Variants in DCLRE1C observed in about 807,000 individuals in gnomAD.
DCLRE1C encodes protein artemis.
Under a neutral mutation model 61.4 loss-of-function variants are expected in DCLRE1C, and 47 were observed. That is an observed-to-expected ratio of 0.77 (90% CI 0.61 to 0.98). The LOEUF is 0.98. DCLRE1C is among the 50% of genes least tolerant of loss of function. The pLI is 0.00. For missense variants in DCLRE1C, 858 were observed against 816.0 expected (o/e 1.05, Z -0.63); for synonymous variants, 337 against 287.6 (o/e 1.17, Z -1.74).
At chr10:14,901,405 A>G (rs1295395849), downstream of DCLRE1C, 6 of 1,082,984 alleles carry the variant, frequency 5.5e-6, no homozygotes, top group Admixed American at 4.9e-5. Flanking sequence ...CCTAAGGTAC[A>G]AAGCTAATCC....
chr10:14,914,152 G>GA (rs920936761), intron 13 of DCLRE1C, among the ~76,000 whole-genome samples: 1 of 152,092 alleles, frequency 6.6e-6, no homozygotes, highest in African/African-American at 2.4e-5. Context: ...CTGCTTACAA[G>GA]AAACCCACTT....
chr10:14,909,560 T>C (rs1834898047), intron 13 of DCLRE1C, among the ~76,000 whole-genome samples: 1 of 151,592 alleles, frequency 6.6e-6, no homozygotes, highest in Non-Finnish European at 1.5e-5. Flanking sequence ...CTGCTCTATA[T>C]GTAAGCCTGG....
In DCLRE1C at chr10:14,909,300, G is replaced by A. The variant is rs1258065713; in HGVS notation, c.1187C>T (p.Pro396Leu). 1 of 1,613,790 alleles carries A rather than the reference G, an allele frequency of 6.2e-7. No individual in the cohort carries two copies. Among genetic ancestry groups the A allele is most frequent in the African/African-American group, 1.3e-5 (1 of 75,042 alleles). The change falls in exon 14 of 14, where the codon CCT becomes CTT. Residue 396 changes from proline (P) to leucine (L), a missense_variant. Physicochemically the swap from Pro to Leu is moderately conservative, Grantham distance 98. Around this residue, in one of 2 missense-constraint regions of DCLRE1C, gnomAD observed 843 missense variants for 783.5 expected, o/e 1.08. Transcript: ENST00000378278. ...TTTGTGCCTTAAAGGTATTGGCAGAGGATCATCAAAGAGATAGTCATCTTC... is the reference window on the plus strand; with the variant it reads ...TTTGTGCCTTAAAGGTATTGGCAGAAGATCATCAAAGAGATAGTCATCTTC... ...EEEDDYLFDD[P>L]LPIPLRHKVP...
chr10:14,918,579 C>T (rs1354081794), intron 13 of DCLRE1C, among the ~76,000 whole-genome samples: 1 of 149,598 alleles, frequency 6.7e-6, no homozygotes, highest in Admixed American at 6.7e-5. Flanking sequence ...TCAAATTGTA[C>T]ACCTTACATG....
chr10:14,951,166 C>T (rs1039952543), intron 1 of DCLRE1C, among the ~76,000 whole-genome samples: 2 of 151,950 alleles, frequency 1.3e-5, no homozygotes, highest in African/African-American at 4.8e-5. Flanking sequence ...ATCACCTGCA[C>T]CCAGGAGTTC....
At chr10:14,916,619 A>G (rs1299522189) in intron 13 of DCLRE1C, among the ~76,000 whole-genome samples, 9 of 152,370 alleles carry the variant, frequency 5.9e-5, no homozygotes, top group African/African-American at 2.2e-4. Context: ...CTATATTTCT[A>G]TATACTAACA....
At position 14,935,555 on chromosome 10, in the gene DCLRE1C, A is replaced by T; in HGVS notation, c.372T>A (p.Phe124Leu). Reference protein sequence around the residue: ...GHCPGSVMFLFQGNNGTVLYT... With the variant: ...GHCPGSVMFLLQGNNGTVLYT... The stretch of plus-strand genomic sequence containing the variant: ...ACAGGACAGTTCCATTATTGCCCTG[A>T]AATAAAAACCTGAAAAAGAAATATA... The change falls in exon 6 of 14, where the codon TTT (phenylalanine) becomes TTA (leucine). Residue 124 changes from phenylalanine (F) to leucine (L), a missense_variant. By Grantham distance (22) the Phe-to-Leu change is conservative. Coordinates refer to ENST00000378278, the MANE Select transcript of DCLRE1C (RefSeq NM_001033855.3). The T allele has an allele frequency of 6.2e-7, 1 of 1,614,086 alleles. No individual in the cohort carries two copies. Among genetic ancestry groups the T allele is most frequent in the Non-Finnish European group, 8.5e-7 (1 of 1,179,954 alleles).
chr10:14,948,689 G>A (rs1378621186), intron 2 of DCLRE1C, among the ~76,000 whole-genome samples: 3 of 151,886 alleles, frequency 2.0e-5, no homozygotes, highest in Non-Finnish European at 4.4e-5. Context: ...CAGCCTGGGC[G>A]ACATAGCAAA....
rs565176378 is a variant in DCLRE1C, at chr10:14,927,049, T to A, written c.918-152A>T. On this transcript the variant is annotated intron_variant, in intron 10 of 13. Transcript: ENST00000378278. ...TGTCGAAATCACCCTAAATCAGGAA[T>A]TTCTTCTTGGGATAGCAGGGAACCT... 3 of 697,600 alleles carry A rather than the reference T, an allele frequency of 4.3e-6. No individual in the cohort carries two copies. The East Asian group carries it at 8.4e-5, about 20-fold the overall frequency. 43.2% of individuals were successfully genotyped at this position (697,600 alleles called of 1,614,324 possible).
At chr10:14,949,424 C>G (rs750708990) in intron 1 of DCLRE1C, among the ~76,000 whole-genome samples, 1 of 152,206 alleles carries the variant, frequency 6.6e-6, no homozygotes, top group Non-Finnish European at 1.5e-5. Context: ...AACCATCCTT[C>G]GAGCCAAGCT....
At chr10:14,953,268 C>T (rs1842724782) in intron 1 of DCLRE1C, among the ~76,000 whole-genome samples, 1 of 152,226 alleles carries the variant, frequency 6.6e-6, no homozygotes, top group African/African-American at 2.4e-5. Context: ...CCAATCTCTG[C>T]TTGGAGCATC....
At chr10:14,903,116 C>G (rs1834132481), downstream of DCLRE1C, 1 of 152,208 alleles carries the variant, frequency 6.6e-6, no homozygotes. Context: ...TATTTCGAAG[C>G]AATCTAGACT....
At chr10:14,910,570 A>G (rs940714247) in intron 13 of DCLRE1C, among the ~76,000 whole-genome samples, 1 of 152,162 alleles carries the variant, frequency 6.6e-6, no homozygotes, top group African/African-American at 2.4e-5. Context: ...CTGGAATTAG[A>G]GGCATGAGCC....
intron 10 of DCLRE1C, 119 bp downstream of exon 10, chr10:14,927,897 A>G (rs1284330183): frequency 2.8e-6 from 2 of 707,838 alleles, no homozygotes; most frequent in Non-Finnish European, 3.8e-6. Context: ...TAAATTTAAG[A>G]AATTAATTAT....
At chr10:14,941,507 G>A (rs956299812) in intron 3 of DCLRE1C, among the ~76,000 whole-genome samples, 2 of 152,096 alleles carry the variant, frequency 1.3e-5, no homozygotes, top group South Asian at 2.1e-4. Context: ...GGCCGGTTTC[G>A]AACTCCTGGA....
downstream of DCLRE1C, chr10:14,901,017 C>G (rs1175190579): frequency 4.3e-6 from 6 of 1,384,314 alleles, no homozygotes; most frequent in Non-Finnish European, 5.9e-6. Context: ...CAATAAGCAA[C>G]TTAATTTCCA....
rs1383377087 is a variant in DCLRE1C at position 14,936,607 on chromosome 10, A to G, written c.307-14T>C. 2 of 1,605,194 alleles carry G rather than the reference A, an allele frequency of 1.2e-6. No individual in the cohort carries two copies. Among genetic ancestry groups the G allele is most frequent in the Admixed American group, 1.7e-5 (1 of 59,858 alleles). On this transcript the variant is annotated splice_polypyrimidine_tract_variant and intron_variant, in intron 4 of 13. Transcript: ENST00000378278. Reference sequence around the variant, plus strand: ...AATCTCTTCCTTCTAAAAAGAAAATAAAGAAAAAATAGTAATGGAAAGCAG... The same window carrying G: ...AATCTCTTCCTTCTAAAAAGAAAATGAAGAAAAAATAGTAATGGAAAGCAG...
Position 14,954,083 on chromosome 10 carries a change from A to G in DCLRE1C, c.-73T>C. On this transcript the variant is annotated 5_prime_UTR_variant, in exon 1 of 14. Coordinates refer to ENST00000378278, the MANE Select transcript of DCLRE1C (RefSeq NM_001033855.3). ...CAAGGCCAGCCCTGACCGCGCCGCC[A>G]CTTCCGGGAAGCCGCGCGCTGCCTC... 6.2e-7 allele frequency: 1 copy of G among 1,603,346 alleles called. No individual in the cohort carries two copies. Among genetic ancestry groups the G allele is most frequent in the South Asian group, 1.1e-5 (1 of 90,672 alleles).
chr10:14,914,279 A>G (rs956823596), intron 13 of DCLRE1C, among the ~76,000 whole-genome samples: 1 of 152,220 alleles, frequency 6.6e-6, no homozygotes, highest in Non-Finnish European at 1.5e-5. Flanking sequence ...TTACCAGGGG[A>G]TAGACTCATT....
Sources: allele counts gnomAD v4.1 joint callset (sites outside exome capture counted in the v4.1 genomes callset), GRCh38; gene constraint gnomAD v4.1.1; regional missense constraint gnomAD v4.1.1; transcripts MANE v1.5; gene names NCBI Gene and HGNC (gene_info 2026-07-23, HGNC 2026-07-21).